THOC5: variants seen among roughly 807,000 people sequenced by gnomAD.
THOC5 encodes the protein Fms-interacting protein.
THOC5 carries 43 observed loss-of-function variants against 92.9 expected under a neutral mutation model. That is an observed-to-expected ratio of 0.46 (90% CI 0.36 to 0.60). THOC5 has a LOEUF of 0.60. THOC5 is among the 20% of genes least tolerant of loss of function. The probability of loss-of-function intolerance (pLI) is 0.00; values close to 1 mark genes in which losing one functional copy is unlikely to be tolerated. For missense variants in THOC5, 659 were observed against 849.4 expected (o/e 0.78, Z 2.79); for synonymous variants, 296 against 320.1 (o/e 0.92, Z 0.80).
intron 5 of THOC5, among the ~76,000 whole-genome samples, chr22:29,542,450 G>C (rs1376578698): frequency 1.3e-5 from 2 of 152,250 alleles, no homozygotes; most frequent in Admixed American, 6.5e-5. Context: ...AGTTTTCTAA[G>C]CTCATCAGAT....
At chr22:29,553,048 C>A (rs955319272) in intron 1 of THOC5, among the ~76,000 whole-genome samples, 17 of 152,112 alleles carry the variant, frequency 1.1e-4, no homozygotes, top group Admixed American at 7.9e-4. Flanking sequence ...CAGCATGCTC[C>A]TTAAGAGTCA....
At chr22:29,540,890 G>A (rs374012843) in intron 5 of THOC5, among the ~76,000 whole-genome samples, 11 of 152,122 alleles carry the variant, frequency 7.2e-5, no homozygotes, top group Non-Finnish European at 1.5e-4. Flanking sequence ...GTTATGTGAC[G>A]ATTTTGTGGA....
intron 12 of THOC5, among the ~76,000 whole-genome samples, chr22:29,521,717 C>T (rs191734208): frequency 2.6e-5 from 4 of 152,304 alleles, no homozygotes; most frequent in Admixed American, 1.3e-4. Context: ...GCCACTGCCA[C>T]CCACCTGGGA....
At chr22:29,543,048 A>T (rs1366082647) in intron 4 of THOC5, 92 bp from the exon 5 acceptor site, 2 of 911,070 alleles carry the variant, frequency 2.2e-6, no homozygotes, top group African/African-American at 3.3e-5. Flanking sequence ...TAAAGGGAAT[A>T]AAGAAGGGGA....
chr22:29,548,919 T>C (rs1241766820), intron 2 of THOC5, 133 bp downstream of exon 2: 2 of 700,908 alleles, frequency 2.9e-6, no homozygotes, highest in East Asian at 5.5e-5. Flanking sequence ...GGAATCCCAG[T>C]CACCTGGTCA....
intron 5 of THOC5, among the ~76,000 whole-genome samples, chr22:29,542,247 A>G (rs1379694505): frequency 2.0e-5 from 3 of 152,172 alleles, no homozygotes; most frequent in Non-Finnish European, 4.4e-5. Context: ...AGTTGCTCCC[A>G]TACAACATGC....
chr22:29,532,214 C>T (rs758320720), intron 7 of THOC5, among the ~76,000 whole-genome samples: 3 of 152,202 alleles, frequency 2.0e-5, no homozygotes, highest in Non-Finnish European at 4.4e-5. Flanking sequence ...AGTCCCAGCA[C>T]TTTGGGAGGC....
In THOC5 at chr22:29,507,533, G is replaced by A. The variant is rs1411268915; in HGVS notation, c.*924C>T. Reference sequence around the variant, plus strand: ...GCCACCACGCTTGGCTAATTTCCATGTTTTTAGTAGAGACAGGGTTTCACC... The same window carrying A: ...GCCACCACGCTTGGCTAATTTCCATATTTTTAGTAGAGACAGGGTTTCACC... On this transcript the variant is annotated 3_prime_UTR_variant, in exon 20 of 20. Coordinates refer to ENST00000490103, the MANE Select transcript of THOC5 (RefSeq NM_003678.5). The A allele has an allele frequency of 6.6e-6, 1 of 151,868 alleles. No homozygotes were observed. Among genetic ancestry groups the A allele is most frequent in the Non-Finnish European group, 1.5e-5 (1 of 67,956 alleles). The allele number at this position is 151,868 out of a possible 1,614,324, so 9.4% of individuals were successfully genotyped here. A position where few individuals can be genotyped will look rare whatever the true frequency, so the allele number is the denominator to read the frequency against.
intron 9 of THOC5, 68 bp downstream of exon 9, chr22:29,529,093 CA>C: frequency 6.6e-7 from 1 of 1,514,914 alleles, no homozygotes; most frequent in Non-Finnish European, 9.2e-7. Flanking sequence ...GCTAGTTCTC[CA>C]AAGACCAGGA....
At chr22:29,541,895 TA>T (rs2063904652) in intron 5 of THOC5, among the ~76,000 whole-genome samples, 1 of 33,044 alleles carries the variant, frequency 3.0e-5, no homozygotes, top group Non-Finnish European at 5.3e-5. Context: ...AAAAAAAAAA[TA>T]TATATATATA....
chr22:29,553,211 G>A (rs879506611), intron 1 of THOC5, among the ~76,000 whole-genome samples: 3 of 152,108 alleles, frequency 2.0e-5, no homozygotes, highest in Non-Finnish European at 4.4e-5. Flanking sequence ...TCCCCTCTGC[G>A]AGAAACACCC....
At chr22:29,552,097 C>G (rs1467383877) in intron 1 of THOC5, among the ~76,000 whole-genome samples, 1 of 152,178 alleles carries the variant, frequency 6.6e-6, no homozygotes, top group East Asian at 1.9e-4. Flanking sequence ...CTCAATGGTG[C>G]CCAGGCTGGA....
Position 29,543,672 on chromosome 22 carries a change from G to C in THOC5, c.241-130C>G, listed in dbSNP as rs1259182465. ...GGAGGGAGCTCAGAACCATGAGAAG[G>C]GTCATGAAGAAAATAAGAGGATGAT... On this transcript the variant is annotated intron_variant, in intron 3 of 19. Transcript: ENST00000490103. 4 of 570,456 alleles carry C rather than the reference G, an allele frequency of 7.0e-6. No homozygotes were observed. In the South Asian group the frequency reaches 7.4e-5, roughly 11 times the overall value. The allele number at this position is 570,456 out of a possible 1,614,324, so 35.3% of individuals were successfully genotyped here.
rs928832778 is a variant in THOC5 at position 29,543,640 on chromosome 22, C to T, written c.241-98G>A. The T allele has an allele frequency of 1.1e-4, 86 of 753,246 alleles. No homozygotes were observed. The African/African-American group carries it at 1.4e-3, about 12-fold the overall frequency. 46.7% of individuals were successfully genotyped at this position (753,246 alleles called of 1,614,324 possible). ...ACCCATCCTCATCTGGGGCCAAAAACGGCACCGGAGGGAGCTCAGAACCAT... is the reference window on the plus strand; with the variant it reads ...ACCCATCCTCATCTGGGGCCAAAAATGGCACCGGAGGGAGCTCAGAACCAT... On this transcript the variant is annotated intron_variant, in intron 3 of 19. Coordinates refer to ENST00000490103, the MANE Select transcript of THOC5 (RefSeq NM_003678.5).
intron 8 of THOC5, among the ~76,000 whole-genome samples, chr22:29,529,644 C>T (rs1003956293): frequency 6.6e-6 from 1 of 152,224 alleles, no homozygotes; most frequent in African/African-American, 2.4e-5. Context: ...CACCTAAGTG[C>T]TTATTCTCTA....
intron 15 of THOC5, 133 bp downstream of exon 15, chr22:29,518,873 G>T: frequency 1.4e-6 from 1 of 697,872 alleles, no homozygotes; most frequent in Non-Finnish European, 2.5e-6. Flanking sequence ...CTGCCAAGAT[G>T]CCCACTCCGT....
intron 11 of THOC5, among the ~76,000 whole-genome samples, chr22:29,526,693 G>A (rs1231344765): frequency 6.6e-6 from 1 of 151,952 alleles, no homozygotes; most frequent in South Asian, 2.1e-4. Flanking sequence ...ATACAAGATG[G>A]AAAGGGAACC....
chr22:29,517,792 G>A (rs2063362370), intron 15 of THOC5, among the ~76,000 whole-genome samples: 1 of 152,218 alleles, frequency 6.6e-6, no homozygotes. Context: ...CTGCTCCAGG[G>A]TAAATTCCTG....
At chr22:29,535,919 C>T (rs1303574636) in intron 7 of THOC5, 1 of 152,130 alleles carries the variant, frequency 6.6e-6, no homozygotes, top group Non-Finnish European at 1.5e-5. Context: ...AAGTGATCCT[C>T]CCCCCTCAGC....
Sources: allele counts gnomAD v4.1 joint callset (sites outside exome capture counted in the v4.1 genomes callset), GRCh38; gene constraint gnomAD v4.1.1; transcripts MANE v1.5; gene names NCBI Gene and HGNC (gene_info 2026-07-23, HGNC 2026-07-21).